The following STPG2 variants were observed in gnomAD, a reference collection of about 807,000 sequenced individuals.
STPG2 encodes the protein sperm tail PG-rich repeat containing 2.
Under a neutral mutation model 54.2 loss-of-function variants are expected in STPG2, and 56 were observed. That is an observed-to-expected ratio of 1.03 (90% CI 0.83 to 1.29). The LOEUF (loss-of-function observed/expected upper bound fraction) is 1.29. STPG2 is among the 50% of genes most tolerant of loss of function. The probability of loss-of-function intolerance (pLI) is 0.00; values close to 1 mark genes in which losing one functional copy is unlikely to be tolerated. For missense variants in STPG2, 596 were observed against 544.9 expected (o/e 1.09, Z -0.93); for synonymous variants, 200 against 181.8 (o/e 1.10, Z -0.81).
At chr4:97,633,809 A>T (rs1721392179) in intron 10 of STPG2, 1 of 155,032 alleles carries the variant, frequency 6.5e-6, no homozygotes, top group Non-Finnish European at 1.4e-5. Context: ...GCGCACCACG[A>T]GATTATACCC....
chr4:97,689,714 T>C (rs1182585855), intron 10 of STPG2, among the ~76,000 whole-genome samples: 1 of 152,130 alleles, frequency 6.6e-6, no homozygotes, highest in East Asian at 1.9e-4. Context: ...TAAACAACCT[T>C]TAAGAACCAT....
intron 5 of STPG2, among the ~76,000 whole-genome samples, chr4:98,013,289 C>A (rs1308897544): frequency 1.3e-5 from 2 of 152,186 alleles, no homozygotes; most frequent in Non-Finnish European, 2.9e-5. Context: ...CCTTGCATCC[C>A]AGGGATGGAA....
intron 3 of STPG2, among the ~76,000 whole-genome samples, chr4:98,119,306 C>T (rs1410030032): frequency 7.2e-5 from 11 of 152,062 alleles, no homozygotes; most frequent in South Asian, 6.2e-4. Context: ...ATTAAACAAA[C>T]CTTCAGATAT....
intron 8 of STPG2, among the ~76,000 whole-genome samples, chr4:97,897,004 C>T (rs1578665076): frequency 6.6e-6 from 1 of 151,984 alleles, no homozygotes; most frequent in Admixed American, 6.6e-5. Flanking sequence ...TTTCATCACC[C>T]AGGTATTAAG....
intron 8 of STPG2, among the ~76,000 whole-genome samples, chr4:97,914,034 G>A (rs887468522): frequency 6.6e-5 from 10 of 151,784 alleles, no homozygotes; most frequent in Admixed American, 1.3e-4. Context: ...AAATTTCTAC[G>A]ATACGTAACA....
At chr4:97,828,148 T>G (rs1222308632) in intron 9 of STPG2, among the ~76,000 whole-genome samples, 3 of 152,192 alleles carry the variant, frequency 2.0e-5, no homozygotes, top group Admixed American at 6.5e-5. Flanking sequence ...GTGAGACCGA[T>G]GCAGAAGGTG....
chr4:97,776,083 T>C (rs1010787970), intron 9 of STPG2, among the ~76,000 whole-genome samples: 2 of 152,186 alleles, frequency 1.3e-5, no homozygotes, highest in Non-Finnish European at 1.5e-5. Context: ...TTTTAAAATA[T>C]GCAAAATATC....
In STPG2 at chr4:97,561,372, G is replaced by A. The variant is rs9683847; in HGVS notation, c.1321-2255C>T. Among the ~76,000 whole-genome samples the A allele has an allele frequency of 2.0e-3, 303 of 152,204 alleles. 1 individual carries two copies. The highest frequency in any genetic ancestry group is 6.3e-3 in the African/African-American group (262 of 41,548). On this transcript the variant is annotated intron_variant, in intron 10 of 10. Coordinates refer to ENST00000295268, the MANE Select transcript of STPG2 (RefSeq NM_174952.3). ...GTCCTTTGTCAGATAAGTAGTTTGC[G>A]AAAATTTTCTCCCATTTTGTAGGCT...
intron 2 of STPG2, among the ~76,000 whole-genome samples, chr4:98,130,281 T>C (rs1315238557): frequency 6.6e-6 from 1 of 152,050 alleles, no homozygotes; most frequent in Non-Finnish European, 1.5e-5. Flanking sequence ...GTTCAAGTGA[T>C]TCTCGTGCCT....
intron 9 of STPG2, among the ~76,000 whole-genome samples, chr4:97,730,776 T>A (rs968528959): frequency 6.6e-6 from 1 of 152,226 alleles, no homozygotes; most frequent in Non-Finnish European, 1.5e-5. Context: ...AACTCTGAGA[T>A]TCTTTCCTCA....
At chr4:97,804,978 T>TA (rs1217032216) in intron 9 of STPG2, among the ~76,000 whole-genome samples, 3 of 152,186 alleles carry the variant, frequency 2.0e-5, no homozygotes, top group African/African-American at 7.2e-5. Context: ...TTTGTGTAAT[T>TA]ACGCTCTATG....
intron 10 of STPG2, among the ~76,000 whole-genome samples, chr4:97,606,719 T>A (rs1381888777): frequency 1.3e-5 from 2 of 151,988 alleles, no homozygotes; most frequent in African/African-American, 4.8e-5. Flanking sequence ...ATGATGGTGA[T>A]TATTTAGCTT....
intron 8 of STPG2, among the ~76,000 whole-genome samples, chr4:97,846,523 G>A (rs1028178540): frequency 6.6e-6 from 1 of 151,642 alleles, no homozygotes; most frequent in African/African-American, 2.4e-5. Context: ...TACTCAGGAG[G>A]CTGAGGCAGG....
At chr4:98,097,110 A>C (rs1000227425) in intron 5 of STPG2, among the ~76,000 whole-genome samples, 1 of 152,204 alleles carries the variant, frequency 6.6e-6, no homozygotes. Flanking sequence ...GATTACTTCC[A>C]AACTCATTCT....
chr4:97,985,816 A>G (rs1315219329), intron 5 of STPG2, among the ~76,000 whole-genome samples: 1 of 152,232 alleles, frequency 6.6e-6, no homozygotes, highest in Admixed American at 6.5e-5. Context: ...GGTTAGGGCT[A>G]TATATCAGAT....
chr4:97,538,599 C>G (rs1197747155), intron 4 of STPG2, among the ~76,000 whole-genome samples: 1 of 152,090 alleles, frequency 6.6e-6, no homozygotes, highest in African/African-American at 2.4e-5. Context: ...GAGAATGGAG[C>G]CAAGTTGGAA....
At position 97,468,282 on chromosome 4, in the gene STPG2, T is replaced by G. The variant is rs550669058; in HGVS notation, c.462+244417A>C. Among the ~76,000 whole-genome samples the G allele has an allele frequency of 9.9e-5, 15 of 152,142 alleles. No homozygotes were observed. In the South Asian group the frequency reaches 2.3e-3, roughly 23 times the overall value. On this transcript the variant is annotated intron_variant, in intron 4 of 4. Transcript: ENST00000522676. ...TTTGAAAGCAATGATTGAAAGTTAT[T>G]TCTTTGGGTTTTAAAAATACATATC...
At chr4:97,675,268 G>A (rs975370119) in intron 10 of STPG2, among the ~76,000 whole-genome samples, 3 of 152,116 alleles carry the variant, frequency 2.0e-5, no homozygotes, top group African/African-American at 7.2e-5. Context: ...CTCCCAAAGT[G>A]CTGGGATTAC....
intron 5 of STPG2, among the ~76,000 whole-genome samples, chr4:98,082,959 C>G (rs984522985): frequency 6.6e-6 from 1 of 152,122 alleles, no homozygotes; most frequent in African/African-American, 2.4e-5. Context: ...ATCTTCTACT[C>G]TGGATCTCTC....
Sources: gnomAD v4.1 joint callset for allele counts (sites outside exome capture counted in the v4.1 genomes callset) on GRCh38, gnomAD v4.1.1 for gene constraint, MANE v1.5 for transcripts, NCBI Gene and HGNC (gene_info 2026-07-23, HGNC 2026-07-21) for gene names.